Variants in ROBO2 observed in about 807,000 individuals in gnomAD.
ROBO2 encodes the protein roundabout guidance receptor 2, also known as roundabout homolog 2.
Under a neutral mutation model 160.8 loss-of-function variants are expected in ROBO2, and 53 were observed. The observed-to-expected ratio is 0.33, with a 90% confidence interval of 0.26 to 0.41. ROBO2 has a LOEUF of 0.41. Ranked by LOEUF, ROBO2 falls within the 10% of genes least tolerant of loss-of-function variation. The probability of loss-of-function intolerance (pLI) is 1.00; values close to 1 mark genes in which losing one functional copy is unlikely to be tolerated. For missense variants in ROBO2, 1,577 were observed against 1,722.4 expected (o/e 0.92, Z 1.49); for synonymous variants, 664 against 611.7 (o/e 1.09, Z -1.26).
intron 2 of ROBO2, among the ~76,000 whole-genome samples, chr3:76,047,642 G>A (rs1177948396): frequency 6.6e-6 from 1 of 152,152 alleles, no homozygotes; most frequent in Non-Finnish European, 1.5e-5. Flanking sequence ...TTAACTTAGT[G>A]TAAACATAAT....
chr3:77,143,645 A>G (rs1275319073), intron 2 of ROBO2, among the ~76,000 whole-genome samples: 4 of 152,162 alleles, frequency 2.6e-5, no homozygotes, highest in African/African-American at 9.7e-5. Context: ...TTTAATACTT[A>G]TGGACTGAAG....
At chr3:76,222,023 G>A (rs139192753) in intron 2 of ROBO2, among the ~76,000 whole-genome samples, 4,003 of 152,216 alleles carry the variant, frequency 0.026, 45 homozygotes, top group Middle Eastern at 0.044. Flanking sequence ...GGATCACAAT[G>A]TGGTCTCTAC....
rs2076211244 is a variant in ROBO2 at position 76,914,865 on chromosome 3, T to C, written c.110-183149T>C. ...GAAAGATGAAAAACAGGACAGGGTG[T>C]TCTAAGAAGTCAAGAACAGCATCCC... On this transcript the variant is annotated intron_variant, in intron 2 of 26. Coordinates refer to the ROBO2 transcript ENST00000487694. Among the ~76,000 whole-genome samples, 3 of 152,228 alleles carry C rather than the reference T, an allele frequency of 2.0e-5. No homozygotes were observed. The South Asian group carries it at 6.2e-4, about 32-fold the overall frequency.
intron 21 of ROBO2, among the ~76,000 whole-genome samples, chr3:77,608,831 ATAGT>A (rs1004966000): frequency 5.3e-5 from 8 of 151,972 alleles, no homozygotes; most frequent in African/African-American, 9.7e-5. Context: ...TCACTTAGAA[ATAGT>A]TAGATATTAA....
intron 2 of ROBO2, among the ~76,000 whole-genome samples, chr3:76,068,283 G>A (rs1415050325): frequency 6.6e-6 from 1 of 152,126 alleles, no homozygotes; most frequent in African/African-American, 2.4e-5. Flanking sequence ...AGGAGACAGT[G>A]GGGTAATGGA....
At chr3:76,056,374 C>T (rs908121234) in intron 2 of ROBO2, among the ~76,000 whole-genome samples, 3 of 152,056 alleles carry the variant, frequency 2.0e-5, no homozygotes, top group African/African-American at 7.2e-5. Flanking sequence ...AGTTCTAATA[C>T]TAACCCTGCT....
intron 2 of ROBO2, among the ~76,000 whole-genome samples, chr3:76,368,422 C>G (rs2075942753): frequency 6.6e-6 from 1 of 151,808 alleles, no homozygotes; most frequent in African/African-American, 2.4e-5. Flanking sequence ...TTGACCAAGG[C>G]CAGCAATTGT....
chr3:77,217,971 C>G (rs182769583), intron 2 of ROBO2, among the ~76,000 whole-genome samples: 2 of 152,166 alleles, frequency 1.3e-5, no homozygotes, highest in East Asian at 1.9e-4. Context: ...TATATGTTTC[C>G]CAGTTTGGAT....
chr3:76,194,348 GTGTAAATA>G (rs1702145522), intron 2 of ROBO2, among the ~76,000 whole-genome samples: 3 of 45,746 alleles, frequency 6.6e-5, no homozygotes, highest in Admixed American at 2.9e-4. Flanking sequence ...TATGTATGGT[GTGTAAATA>G]TATATATATA....
intron 4 of ROBO2, among the ~76,000 whole-genome samples, chr3:77,481,709 GA>G (rs2153589399): frequency 6.6e-6 from 1 of 152,222 alleles, no homozygotes. Flanking sequence ...TTCAAAATCA[GA>G]AAATGGACCC....
chr3:77,422,002 A>C (rs2077757930), intron 2 of ROBO2, among the ~76,000 whole-genome samples: 1 of 152,154 alleles, frequency 6.6e-6, no homozygotes, highest in Non-Finnish European at 1.5e-5. Context: ...ATCATGAAAA[A>C]TTAGATTCAT....
At chr3:77,332,173 G>A (rs768944388) in intron 2 of ROBO2, among the ~76,000 whole-genome samples, 15 of 152,196 alleles carry the variant, frequency 9.9e-5, no homozygotes, top group South Asian at 2.1e-4. Context: ...ATTAATATAC[G>A]TAATGTATTT....
chr3:76,147,195 T>G (rs2071943955), intron 2 of ROBO2, among the ~76,000 whole-genome samples: 1 of 151,686 alleles, frequency 6.6e-6, no homozygotes, highest in African/African-American at 2.4e-5. Flanking sequence ...AAATAATAAT[T>G]AGAGTACATT....
chr3:76,207,214 C>T (rs542900311), intron 2 of ROBO2, among the ~76,000 whole-genome samples: 2 of 152,034 alleles, frequency 1.3e-5, no homozygotes, highest in African/African-American at 4.8e-5. Flanking sequence ...ATTTTATCTT[C>T]TAGTAAGTTT....
At chr3:76,335,788 G>A (rs1576505196) in intron 2 of ROBO2, among the ~76,000 whole-genome samples, 1 of 152,020 alleles carries the variant, frequency 6.6e-6, no homozygotes, top group South Asian at 2.1e-4. Flanking sequence ...GTGTTAGCCA[G>A]GATGGTCTCG....
chr3:76,558,861 G>A (rs1452079576), intron 2 of ROBO2, among the ~76,000 whole-genome samples: 2 of 152,168 alleles, frequency 1.3e-5, no homozygotes, highest in African/African-American at 4.8e-5. Flanking sequence ...CCGATAATGT[G>A]AAGAGTCTGC....
chr3:76,622,208 A>T (rs1309348421), intron 2 of ROBO2, among the ~76,000 whole-genome samples: 1 of 34,054 alleles, frequency 2.9e-5, no homozygotes, highest in East Asian at 1.0e-3. Context: ...GGAAGGAAGG[A>T]AGGAAGGAAG....
At chr3:77,087,038 G>GT (rs1366679652) in intron 1 of ROBO2, among the ~76,000 whole-genome samples, 1 of 152,032 alleles carries the variant, frequency 6.6e-6, no homozygotes, top group East Asian at 1.9e-4. Context: ...TGGGAATGGT[G>GT]TTTTTTAGAC....
At position 76,918,773 on chromosome 3, in the gene ROBO2, C is replaced by T. The variant is rs955029792; in HGVS notation, c.110-179241C>T. 3.9e-5 allele frequency among the ~76,000 whole-genome samples: 6 copies of T among 152,168 alleles called. 1 individual carries two copies. In the South Asian group the frequency reaches 6.2e-4, roughly 16 times the overall value. On this transcript the variant is annotated intron_variant, in intron 2 of 26. Coordinates refer to the ROBO2 transcript ENST00000487694. ...CTTCCACAATGGCTGAAATAATTTA[C>T]GTTCCCACCAATAGTGTAAAAGCAT...
Sources: allele counts gnomAD v4.1 joint callset (sites outside exome capture counted in the v4.1 genomes callset), GRCh38; gene constraint gnomAD v4.1.1; transcripts MANE v1.5; gene names NCBI Gene and HGNC (gene_info 2026-07-23, HGNC 2026-07-21).